DACH2: variants seen among roughly 807,000 people sequenced by gnomAD.
DACH2 encodes dachshund homolog 2.
A neutral mutation model predicts 35.8 loss-of-function variants in DACH2; 17 were observed. The ratio of observed to expected loss-of-function variants is 0.48; its 90% CI spans 0.33 to 0.71. The LOEUF is 0.71. Among genes scored for constraint, DACH2 ranks in the 30% least tolerant of loss-of-function variants. The pLI is 0.02. For synonymous variants in DACH2, 195 were observed against 177.3 expected (o/e 1.10, Z -0.79); for missense variants, 469 against 472.7 (o/e 0.99, Z 0.07).
intron 4 of DACH2, among the ~76,000 whole-genome samples, chrX:86,655,369 T>C (rs757286943): frequency 2.7e-5 from 3 of 112,309 alleles, no homozygotes; most frequent in East Asian, 5.6e-4. Flanking sequence ...CATTGAATGT[T>C]TCCATCATTT....
At chrX:86,294,695 T>C (rs182367445) in intron 1 of DACH2, among the ~76,000 whole-genome samples, 9 of 110,084 alleles carry the variant, frequency 8.2e-5, no homozygotes, top group African/African-American at 1.7e-4. Flanking sequence ...AGGTGTCAGT[T>C]TGCCCCTGCT....
intron 1 of DACH2, among the ~76,000 whole-genome samples, chrX:86,345,704 A>G (rs981873858): frequency 8.0e-5 from 9 of 111,975 alleles, no homozygotes; most frequent in African/African-American, 9.7e-5. Flanking sequence ...AGACTGCCTG[A>G]CAAGGCAAGG....
intron 1 of DACH2, among the ~76,000 whole-genome samples, chrX:86,312,224 A>AT (rs1462422062): frequency 1.7e-4 from 19 of 111,925 alleles, no homozygotes; most frequent in Admixed American, 8.5e-4. Flanking sequence ...AAATATTTTG[A>AT]TTTTTTTCCT....
At chrX:86,819,036 A>G (rs1277273641) in intron 11 of DACH2, among the ~76,000 whole-genome samples, 1 of 107,898 alleles carries the variant, frequency 9.3e-6, no homozygotes, top group Non-Finnish European at 1.9e-5. Flanking sequence ...TGTATCCTAT[A>G]TAATGTATTA....
chrX:86,300,245 A>G (rs1216726691), intron 1 of DACH2, among the ~76,000 whole-genome samples: 2 of 111,561 alleles, frequency 1.8e-5, no homozygotes, highest in Admixed American at 1.9e-4. Flanking sequence ...GAAAAAAAAA[A>G]TTGCATAATA....
intron 3 of DACH2, among the ~76,000 whole-genome samples, chrX:86,635,414 G>A (rs915366627): frequency 1.8e-5 from 2 of 108,923 alleles, no homozygotes; most frequent in Non-Finnish European, 3.8e-5. Context: ...CAAACCCACA[G>A]CCAACATCAT....
chrX:86,683,300 A>T (rs1339533186), intron 4 of DACH2, among the ~76,000 whole-genome samples: 2 of 99,178 alleles, frequency 2.0e-5, no homozygotes, highest in Non-Finnish European at 2.0e-5. Flanking sequence ...TTAATAATCA[A>T]TGTTTACCAG....
chrX:86,411,560 C>T (rs1003672491), intron 2 of DACH2, among the ~76,000 whole-genome samples: 1 of 111,049 alleles, frequency 9.0e-6, no homozygotes, highest in Non-Finnish European at 1.9e-5. Flanking sequence ...CAACTGAAAA[C>T]GCACTGGTCC....
chrX:86,481,724 G>A (rs766246758), intron 2 of DACH2: 30 of 111,967 alleles, frequency 2.7e-4, no homozygotes, highest in African/African-American at 9.1e-4. Context: ...ATCAGGACCT[G>A]AAATGAATCT....
intron 7 of DACH2, among the ~76,000 whole-genome samples, chrX:86,770,006 AT>A (rs201641274): frequency 2.7e-3 from 293 of 106,654 alleles, no homozygotes; most frequent in Middle Eastern, 0.019. Context: ...TATAAAAAAA[AT>A]AAATAAAAAA....
chrX:86,528,722 C>T (rs1052560934), intron 3 of DACH2, among the ~76,000 whole-genome samples: 2 of 112,170 alleles, frequency 1.8e-5, no homozygotes, highest in Admixed American at 9.5e-5. Context: ...TTTTTATTTT[C>T]ACAGTGTAAC....
rs187418496 is a variant in DACH2 at position 86,700,002 on chromosome X, T to C, written c.931+4823T>C. On this transcript the variant is annotated intron_variant, in intron 5 of 11. Transcript: ENST00000373125. The stretch of plus-strand genomic sequence containing the variant: ...GCAGGTTGTTTAATTTCCATGTAAT[T>C]ATATGATTGAATTTTTTAGTATTGA... 7.1e-5 allele frequency among the ~76,000 whole-genome samples: 8 copies of C among 112,059 alleles called. No homozygotes were observed. The East Asian group carries it at 2.2e-3, about 31-fold the overall frequency.
At position 86,497,549 on chromosome X, in the gene DACH2, A is replaced by C. The variant is rs749685032; in HGVS notation, c.528-16730A>C. Among the ~76,000 whole-genome samples the C allele has an allele frequency of 2.7e-5, 3 of 111,534 alleles. No individual in the cohort carries two copies. In the East Asian group the frequency reaches 8.5e-4, roughly 32 times the overall value. ...GAGGAGAGGAGCCCTACAACATGGCAGGAGGCTAGGGTCTGAGGAGGAAGA... is the reference window on the plus strand; with the variant it reads ...GAGGAGAGGAGCCCTACAACATGGCCGGAGGCTAGGGTCTGAGGAGGAAGA... On this transcript the variant is annotated intron_variant, in intron 2 of 11. Transcript: ENST00000373125.
chrX:86,555,799 C>A (rs1378958285), intron 3 of DACH2, among the ~76,000 whole-genome samples: 1 of 111,274 alleles, frequency 9.0e-6, no homozygotes, highest in Non-Finnish European at 1.9e-5. Flanking sequence ...TATTTTAGAG[C>A]TTTTGATGGT....
chrX:86,344,115 A>G (rs958459236), intron 1 of DACH2, among the ~76,000 whole-genome samples: 1 of 110,124 alleles, frequency 9.1e-6, no homozygotes, highest in Non-Finnish European at 1.9e-5. Flanking sequence ...TGGCCACCTC[A>G]CTCTCCATGA....
At chrX:86,367,988 C>T (rs936033459) in intron 1 of DACH2, among the ~76,000 whole-genome samples, 2 of 111,463 alleles carry the variant, frequency 1.8e-5, no homozygotes, top group Non-Finnish European at 3.8e-5. Flanking sequence ...TCTCTTATAA[C>T]AATCCATTCT....
chrX:86,371,773 T>G (rs1046629489), intron 1 of DACH2, among the ~76,000 whole-genome samples: 1 of 111,222 alleles, frequency 9.0e-6, no homozygotes, highest in Non-Finnish European at 1.9e-5. Flanking sequence ...ATGCAACAGT[T>G]AACATGATTT....
intron 1 of DACH2, among the ~76,000 whole-genome samples, chrX:86,225,540 A>T (rs2032804553): frequency 9.0e-6 from 1 of 110,867 alleles, no homozygotes; most frequent in Non-Finnish European, 1.9e-5. Flanking sequence ...TTTAAAGTGG[A>T]TCTGAAATGT....
intron 2 of DACH2, among the ~76,000 whole-genome samples, chrX:86,425,441 T>G (rs778900265): frequency 5.9e-4 from 66 of 111,035 alleles, no homozygotes; most frequent in Non-Finnish European, 1.1e-3. Flanking sequence ...TGTCTATTTC[T>G]TCTAGATTTT....
Sources: gnomAD v4.1 joint callset for allele counts (sites outside exome capture counted in the v4.1 genomes callset) on GRCh38, gnomAD v4.1.1 for gene constraint, MANE v1.5 for transcripts, NCBI Gene and HGNC (gene_info 2026-07-23, HGNC 2026-07-21) for gene names.